The following NBEA variants were observed in gnomAD, a reference collection of about 807,000 sequenced individuals.
The protein encoded by NBEA is lysosomal-trafficking regulator 2.
NBEA carries 44 observed loss-of-function variants against 343.4 expected under a neutral mutation model. The observed-to-expected ratio is 0.13, with a 90% confidence interval of 0.10 to 0.16. NBEA has a LOEUF of 0.16. Among genes scored for constraint, NBEA ranks in the 10% least tolerant of loss-of-function variants. The probability of loss-of-function intolerance (pLI) is 1.00; values close to 1 mark genes in which losing one functional copy is unlikely to be tolerated. For synonymous variants in NBEA, 1,175 were observed against 1,238.7 expected (o/e 0.95, Z 1.08); for missense variants, 2,555 against 3,631.3 (o/e 0.70, Z 7.62).
chr13:35,457,930 T>G (rs1296724215), intron 40 of NBEA, among the ~76,000 whole-genome samples: 1 of 152,222 alleles, frequency 6.6e-6, no homozygotes, highest in Non-Finnish European at 1.5e-5. Context: ...TTTATGGCAG[T>G]TATTCCATTG....
intron 52 of NBEA, among the ~76,000 whole-genome samples, chr13:35,650,957 A>T (rs981273723): frequency 3.9e-5 from 6 of 152,204 alleles, no homozygotes; most frequent in African/African-American, 1.4e-4. Flanking sequence ...AGAGTTTCTA[A>T]GTGCACCTAT....
At chr13:35,471,889 T>C (rs192468529) in intron 40 of NBEA, among the ~76,000 whole-genome samples, 62 of 152,218 alleles carry the variant, frequency 4.1e-4, no homozygotes, top group African/African-American at 1.4e-3. Context: ...TAGATTAATC[T>C]TCCTGCAAGA....
chr13:35,009,712 T>A lies in NBEA; in HGVS notation c.295-31221T>A, dbSNP rs144661845. 3.3e-5 allele frequency among the ~76,000 whole-genome samples: 5 copies of A among 152,272 alleles called. No individual in the cohort carries two copies. The East Asian group carries it at 9.7e-4, about 29-fold the overall frequency. Reference sequence around the variant, plus strand: ...CACATTGATCCTGTTAAAACTGGTATTTCGGAATAAACCAGATCCTGGGTG... The same window carrying A: ...CACATTGATCCTGTTAAAACTGGTAATTCGGAATAAACCAGATCCTGGGTG... On this transcript the variant is annotated intron_variant, in intron 1 of 58. Coordinates refer to ENST00000379939, the MANE Select transcript of NBEA (RefSeq NM_001385012.1).
intron 1 of NBEA, among the ~76,000 whole-genome samples, chr13:34,953,570 C>T (rs903534778): frequency 6.6e-6 from 1 of 152,132 alleles, no homozygotes; most frequent in Non-Finnish European, 1.5e-5. Context: ...CATGTACTTT[C>T]CCATAGAATT....
intron 10 of NBEA, among the ~76,000 whole-genome samples, chr13:35,086,065 C>T (rs1392853665): frequency 6.6e-6 from 1 of 151,958 alleles, no homozygotes; most frequent in Non-Finnish European, 1.5e-5. Context: ...AACCACTGCT[C>T]AATGAAATAA....
chr13:35,640,368 T>C (rs966772150), intron 49 of NBEA, among the ~76,000 whole-genome samples: 1 of 152,206 alleles, frequency 6.6e-6, no homozygotes, highest in Non-Finnish European at 1.5e-5. Context: ...GTGCACACTT[T>C]AGAGGACACC....
At chr13:35,010,665 G>A (rs1458796015) in intron 1 of NBEA, among the ~76,000 whole-genome samples, 1 of 141,392 alleles carries the variant, frequency 7.1e-6, no homozygotes, top group Non-Finnish European at 1.5e-5. Context: ...AGAAGGATAA[G>A]TTGAGTCCGG....
chr13:34,968,836 T>A (rs766245945), intron 1 of NBEA, among the ~76,000 whole-genome samples: 1 of 152,140 alleles, frequency 6.6e-6, no homozygotes, highest in Non-Finnish European at 1.5e-5. Context: ...GGAACTTTTT[T>A]TAAACACATA....
intron 10 of NBEA, among the ~76,000 whole-genome samples, chr13:35,074,334 C>T (rs2064015163): frequency 6.6e-6 from 1 of 152,000 alleles, no homozygotes; most frequent in African/African-American, 2.4e-5. Flanking sequence ...ATTTTTCTTA[C>T]ATTGAGCTAT....
chr13:34,944,329 A>C (rs2059124110), intron 1 of NBEA, among the ~76,000 whole-genome samples: 1 of 152,240 alleles, frequency 6.6e-6, no homozygotes, highest in Non-Finnish European at 1.5e-5. Context: ...AGAAAGCTGC[A>C]GCTACATCAG....
intron 34 of NBEA, among the ~76,000 whole-genome samples, chr13:35,244,867 G>A (rs980787625): frequency 6.6e-6 from 1 of 151,864 alleles, no homozygotes; most frequent in African/African-American, 2.4e-5. Context: ...TGCAGCTATT[G>A]TAAAGGGGTT....
chr13:35,019,332 G>A (rs192360314), intron 1 of NBEA, among the ~76,000 whole-genome samples: 2 of 148,778 alleles, frequency 1.3e-5, no homozygotes, highest in East Asian at 4.0e-4. Flanking sequence ...GAGTCTCACT[G>A]TGTCACCCAG....
At chr13:35,631,436 C>G (rs1209622535) in intron 49 of NBEA, among the ~76,000 whole-genome samples, 1 of 151,920 alleles carries the variant, frequency 6.6e-6, no homozygotes, top group Non-Finnish European at 1.5e-5. Context: ...GAGCTCAATA[C>G]ATTTATTTTA....
intron 38 of NBEA, among the ~76,000 whole-genome samples, chr13:35,405,106 TA>T (rs767239230): frequency 6.6e-6 from 1 of 152,190 alleles, no homozygotes; most frequent in Non-Finnish European, 1.5e-5. Flanking sequence ...TAAAAATTGT[TA>T]TGTTTGAAAA....
chr13:35,615,287 C>CA (rs35687768), intron 48 of NBEA, among the ~76,000 whole-genome samples: 21,621 of 116,560 alleles, frequency 0.19, 1,956 homozygotes, highest in East Asian at 0.3. Context: ...GACCCTGTCT[C>CA]AAAAAAAAAA....
At chr13:35,069,710 G>A (rs1335143482) in intron 8 of NBEA, among the ~76,000 whole-genome samples, 198 bp from the exon 9 acceptor site, 1 of 152,042 alleles carries the variant, frequency 6.6e-6, no homozygotes, top group Non-Finnish European at 1.5e-5. Flanking sequence ...GAAGATCTGA[G>A]CATTTTTATT....
chr13:35,180,130 G>T lies in NBEA; in HGVS notation c.4663-2230G>T, dbSNP rs75091442. On this transcript the variant is annotated intron_variant, in intron 28 of 58. Transcript: ENST00000379939. Reference sequence around the variant, plus strand: ...ATAAATTATGAATCTTGTTTGCATTGTGCTTAGATGAAGTAATAAATATAA... The same window carrying T: ...ATAAATTATGAATCTTGTTTGCATTTTGCTTAGATGAAGTAATAAATATAA... Among the ~76,000 whole-genome samples the T allele has an allele frequency of 3.8e-4, 58 of 151,738 alleles. 1 individual carries two copies. The highest frequency in any genetic ancestry group is 1.4e-3 in the African/African-American group (57 of 41,478).
At chr13:35,055,406 T>A (rs2063218798) in intron 6 of NBEA, among the ~76,000 whole-genome samples, 1 of 152,142 alleles carries the variant, frequency 6.6e-6, no homozygotes, top group Non-Finnish European at 1.5e-5. Context: ...TCCCACATTG[T>A]TATTAAATAT....
intron 30 of NBEA, among the ~76,000 whole-genome samples, chr13:35,194,327 A>T (rs117295978): frequency 1.3e-5 from 2 of 152,214 alleles, no homozygotes; most frequent in Non-Finnish European, 2.9e-5. Context: ...AGATTTTGTG[A>T]GATGTCTTGC....
Sources: gnomAD v4.1 joint callset for allele counts (sites outside exome capture counted in the v4.1 genomes callset) on GRCh38, gnomAD v4.1.1 for gene constraint, MANE v1.5 for transcripts, NCBI Gene and HGNC (gene_info 2026-07-23, HGNC 2026-07-21) for gene names.